Variants in SLC35F4 observed in about 807,000 individuals in gnomAD.
The protein encoded by SLC35F4 is solute carrier family 35 member F4.
Under a neutral mutation model 44.2 loss-of-function variants are expected in SLC35F4, and 24 were observed. That is an observed-to-expected ratio of 0.54 (90% CI 0.39 to 0.76). SLC35F4 has a LOEUF of 0.76. Ranked by LOEUF, SLC35F4 falls within the 30% of genes least tolerant of loss-of-function variation. The pLI is 0.00. For missense variants in SLC35F4, 562 were observed against 586.1 expected, an observed-to-expected ratio of 0.96 and a Z score of 0.42; for synonymous variants, 238 against 223.6, an observed-to-expected ratio of 1.06 and a Z score of -0.57.
intron 1 of SLC35F4, among the ~76,000 whole-genome samples, chr14:57,603,724 G>A (rs957544037): frequency 1.3e-5 from 2 of 152,082 alleles, no homozygotes; most frequent in African/African-American, 2.4e-5. Context: ...TTCAAGGCTG[G>A]GTGACCCTCT....
intron 1 of SLC35F4, among the ~76,000 whole-genome samples, chr14:57,878,137 A>G (rs1025408547): frequency 2.0e-5 from 3 of 151,918 alleles, no homozygotes; most frequent in African/African-American, 7.3e-5. Flanking sequence ...ATGCCTGTTC[A>G]TGTCCTTTGC....
At chr14:57,813,198 G>C (rs2140890648) in intron 1 of SLC35F4, among the ~76,000 whole-genome samples, 1 of 152,280 alleles carries the variant, frequency 6.6e-6, no homozygotes, top group African/African-American at 2.4e-5. Context: ...CAGTATCATG[G>C]CCCAACTCCA....
chr14:57,642,336 T>C (rs1399645772), intron 1 of SLC35F4, among the ~76,000 whole-genome samples: 1 of 152,046 alleles, frequency 6.6e-6, no homozygotes, highest in Admixed American at 6.6e-5. Context: ...GCTGATTTTA[T>C]ATTAACAACA....
intron 1 of SLC35F4, among the ~76,000 whole-genome samples, chr14:57,865,225 C>G (rs1389847791): frequency 6.6e-6 from 1 of 152,120 alleles, no homozygotes; most frequent in Non-Finnish European, 1.5e-5. Context: ...CCGGAGTGAA[C>G]GAGCTGACCC....
intron 1 of SLC35F4, among the ~76,000 whole-genome samples, chr14:57,756,323 A>G (rs558481222): frequency 2.0e-5 from 3 of 152,124 alleles, no homozygotes; most frequent in East Asian, 3.9e-4. Context: ...TTTTTGATCT[A>G]TGGTTTTCTT....
At chr14:57,718,903 G>C (rs994304980) in intron 1 of SLC35F4, among the ~76,000 whole-genome samples, 5 of 151,864 alleles carry the variant, frequency 3.3e-5, no homozygotes, top group African/African-American at 1.2e-4. Flanking sequence ...GTATTACTTA[G>C]GAAACTTTTG....
chr14:57,594,940 C>T (rs2070406627), intron 1 of SLC35F4, among the ~76,000 whole-genome samples: 2 of 152,184 alleles, frequency 1.3e-5, no homozygotes, highest in African/African-American at 4.8e-5. Flanking sequence ...CTGAGAAGGG[C>T]CCATCCTGCC....
intron 1 of SLC35F4, among the ~76,000 whole-genome samples, chr14:57,732,092 T>C (rs1175268916): frequency 6.6e-6 from 1 of 152,226 alleles, no homozygotes; most frequent in Non-Finnish European, 1.5e-5. Flanking sequence ...AAAGGTCTCA[T>C]ATTTATATTT....
intron 1 of SLC35F4, among the ~76,000 whole-genome samples, chr14:57,853,787 A>G (rs757340980): frequency 6.6e-6 from 1 of 152,162 alleles, no homozygotes; most frequent in African/African-American, 2.4e-5. Context: ...ACAGAGCAAG[A>G]AGTCTTCCTG....
chr14:57,982,237 G>A (rs1304672041), upstream of SLC35F4: 1 of 152,204 alleles, frequency 6.6e-6, no homozygotes, highest in Non-Finnish European at 1.5e-5. Context: ...GTTGTCGGAA[G>A]CCAGGGCAAC....
chr14:57,937,361 C>T (rs1309951870), intron 1 of SLC35F4, among the ~76,000 whole-genome samples: 2 of 152,190 alleles, frequency 1.3e-5, no homozygotes, highest in African/African-American at 4.8e-5. Flanking sequence ...AGCCACCGCA[C>T]CTGGCCTTTA....
intron 1 of SLC35F4, among the ~76,000 whole-genome samples, chr14:57,801,926 C>G (rs569324279): frequency 6.6e-6 from 1 of 151,976 alleles, no homozygotes; most frequent in East Asian, 1.9e-4. Context: ...ATCATAGAAA[C>G]ACAAAATTAA....
intron 1 of SLC35F4, among the ~76,000 whole-genome samples, chr14:57,932,823 A>T (rs928200382): frequency 6.6e-6 from 1 of 152,080 alleles, no homozygotes; most frequent in Admixed American, 6.6e-5. Context: ...CACTCAAAAA[A>T]AAAATTTAGT....
chr14:57,690,792 C>T (rs1213072254), intron 1 of SLC35F4, among the ~76,000 whole-genome samples: 2 of 151,930 alleles, frequency 1.3e-5, no homozygotes, highest in Non-Finnish European at 2.9e-5. Flanking sequence ...ATGCACGGTT[C>T]ACAATACGGT....
At chr14:57,856,783 GGATA>G (rs1446690791) in intron 1 of SLC35F4, among the ~76,000 whole-genome samples, 1 of 151,940 alleles carries the variant, frequency 6.6e-6, no homozygotes, top group Admixed American at 6.6e-5. Flanking sequence ...ATATGAACAA[GGATA>G]GATATTTATT....
At chr14:57,628,586 T>C (rs1187250069) in intron 1 of SLC35F4, among the ~76,000 whole-genome samples, 1 of 150,028 alleles carries the variant, frequency 6.7e-6, no homozygotes, top group Non-Finnish European at 1.5e-5. Flanking sequence ...CTGAGAATGA[T>C]GGTTTCCAGC....
intron 1 of SLC35F4, among the ~76,000 whole-genome samples, chr14:57,968,499 A>C (rs891843847): frequency 1.2e-4 from 19 of 152,330 alleles, no homozygotes; most frequent in African/African-American, 4.6e-4. Context: ...TGCAATTCCT[A>C]ATAGTGCTGC....
At chr14:57,839,752 T>A (rs758840515) in intron 1 of SLC35F4, among the ~76,000 whole-genome samples, 10 of 151,938 alleles carry the variant, frequency 6.6e-5, no homozygotes, top group Non-Finnish European at 1.2e-4. Flanking sequence ...ACCCTGAACT[T>A]TAAAAAAAAA....
At chr14:57,599,020 C>T (rs924500959) in intron 1 of SLC35F4, among the ~76,000 whole-genome samples, 8 of 152,196 alleles carry the variant, frequency 5.3e-5, no homozygotes, top group African/African-American at 1.9e-4. Context: ...AGGTAAATCA[C>T]TTGACCTCAC....
Sources: gnomAD v4.1 joint callset for allele counts (sites outside exome capture counted in the v4.1 genomes callset) on GRCh38, gnomAD v4.1.1 for gene constraint, MANE v1.5 for transcripts, NCBI Gene and HGNC (gene_info 2026-07-23, HGNC 2026-07-21) for gene names.